Variants in RSU1 observed in about 807,000 individuals in gnomAD.
RSU1 encodes the protein rsu-1.
A neutral mutation model predicts 31.1 loss-of-function variants in RSU1; 26 were observed. That is an observed-to-expected ratio of 0.84 (90% CI 0.61 to 1.16). The LOEUF is 1.16. RSU1 is among the 50% of genes most tolerant of loss of function. RSU1 has a pLI of 0.00. For missense variants in RSU1, 320 were observed against 339.1 expected (o/e 0.94, Z 0.44); for synonymous variants, 164 against 136.3 (o/e 1.20, Z -1.41).
intron 3 of RSU1, among the ~76,000 whole-genome samples, chr10:16,774,589 T>C (rs372644146): frequency 2.0e-5 from 3 of 151,894 alleles, no homozygotes; most frequent in East Asian, 2.0e-4. Context: ...AACAAAAAAA[T>C]AGCATCCCTA....
intron 2 of RSU1, 143 bp downstream of exon 2, chr10:16,816,830 C>G (rs573179005): frequency 3.2e-6 from 2 of 624,924 alleles, no homozygotes; most frequent in African/African-American, 1.8e-5. Flanking sequence ...AAACCCTCTG[C>G]GCGAAGCCCC....
At chr10:16,730,766 A>G (rs1836492143) in intron 7 of RSU1, among the ~76,000 whole-genome samples, 1 of 152,178 alleles carries the variant, frequency 6.6e-6, no homozygotes, top group Admixed American at 6.5e-5. Flanking sequence ...TAATTTTTTC[A>G]TTTATTTATG....
chr10:16,734,070 G>T (rs142582436), intron 7 of RSU1, among the ~76,000 whole-genome samples: 1 of 152,060 alleles, frequency 6.6e-6, no homozygotes, highest in African/African-American at 2.4e-5. Context: ...CTAAACTGTC[G>T]GAACACACAA....
intron 2 of RSU1, among the ~76,000 whole-genome samples, chr10:16,806,184 T>C (rs1005970755): frequency 1.1e-4 from 17 of 152,214 alleles, no homozygotes; most frequent in African/African-American, 4.1e-4. Context: ...GGGATAAACA[T>C]AGGTAGTGTC....
At chr10:16,756,973 G>A (rs1016593935) in intron 4 of RSU1, among the ~76,000 whole-genome samples, 19 of 150,704 alleles carry the variant, frequency 1.3e-4, no homozygotes, top group Middle Eastern at 3.4e-3. Flanking sequence ...AGGTATGAGT[G>A]TGGTGTGGTG....
chr10:16,673,528 A>G (rs1406644828), intron 8 of RSU1, among the ~76,000 whole-genome samples: 11 of 152,254 alleles, frequency 7.2e-5, no homozygotes, highest in Non-Finnish European at 1.6e-4. Flanking sequence ...GAGAAAATTT[A>G]AGCTCAAATG....
At chr10:16,689,027 C>G (rs1220624188) in intron 8 of RSU1, among the ~76,000 whole-genome samples, 1 of 149,912 alleles carries the variant, frequency 6.7e-6, no homozygotes, top group Non-Finnish European at 1.5e-5. Flanking sequence ...AAAAAAAAAG[C>G]TTTAAAGAAA....
intron 3 of RSU1, among the ~76,000 whole-genome samples, chr10:16,767,022 CA>C (rs111562696): frequency 0.12 from 12,251 of 101,722 alleles, 679 homozygotes; most frequent in East Asian, 0.22. Flanking sequence ...ACTCTATGTC[CA>C]AAAAAAAAAA....
chr10:16,673,317 A>G (rs1241747997), intron 8 of RSU1, among the ~76,000 whole-genome samples: 3 of 152,242 alleles, frequency 2.0e-5, no homozygotes, highest in Non-Finnish European at 4.4e-5. Context: ...TCTCAAAAGC[A>G]GGACATTTGC....
rs187415093 is a variant in RSU1 at position 16,808,733 on chromosome 10, G to T, written c.109+8240C>A. Among the ~76,000 whole-genome samples the T allele has an allele frequency of 4.5e-4, 68 of 152,266 alleles. 1 individual carries two copies. The East Asian group carries it at 0.013, about 28-fold the overall frequency. ...AACTATGTCTTCCCAAAACTAATAT[G>T]CTGAAGCCCCAATCCCAAATACCTC... On this transcript the variant is annotated intron_variant, in intron 2 of 8. Transcript: ENST00000345264.
At chr10:16,677,230 T>C (rs1050268689) in intron 8 of RSU1, among the ~76,000 whole-genome samples, 6 of 152,314 alleles carry the variant, frequency 3.9e-5, no homozygotes, top group Admixed American at 2.6e-4. Flanking sequence ...TCTGGCTTTG[T>C]CCTCAGTTGT....
chr10:16,639,550 T>C (rs1350662007), intron 8 of RSU1, among the ~76,000 whole-genome samples: 1 of 152,206 alleles, frequency 6.6e-6, no homozygotes, highest in Non-Finnish European at 1.5e-5. Flanking sequence ...TGGAGGGGAA[T>C]AACAATGTTT....
At position 16,754,936 on chromosome 10, in the gene RSU1, T is replaced by C. The variant is rs1187378781; in HGVS notation, c.335A>G (p.Glu112Gly). Residue 112 changes from glutamate (E) to glycine (G), a missense_variant, in exon 5 of 9, where the codon GAG (glutamate) becomes GGG (glycine). Physicochemically the swap from Glu to Gly is moderately conservative, Grantham distance 98. Coordinates refer to ENST00000345264, the MANE Select transcript of RSU1 (RefSeq NM_012425.4). Reference protein sequence around the residue: ...PRGFGSLPALEVLDLTYNNLS... With the variant: ...PRGFGSLPALGVLDLTYNNLS... ...GTTGTTGTACGTCAAGTCCAGAACC[T>C]CAAGAGCTGGCAGGGAGCCGAAGCC... 1 of 1,613,614 alleles carries C rather than the reference T, an allele frequency of 6.2e-7. No individual in the cohort carries two copies.
At chr10:16,629,819 C>T (rs569687205) in intron 8 of RSU1, among the ~76,000 whole-genome samples, 1 of 152,300 alleles carries the variant, frequency 6.6e-6, no homozygotes, top group South Asian at 2.1e-4. Context: ...CACTGACCTG[C>T]TGCATCCACA....
At chr10:16,680,064 T>C (rs1015383581) in intron 8 of RSU1, among the ~76,000 whole-genome samples, 10 of 152,010 alleles carry the variant, frequency 6.6e-5, no homozygotes, top group Admixed American at 3.9e-4. Context: ...GTATTTTCAG[T>C]AGAGATGGGG....
chr10:16,641,351 G>A (rs1834438507), intron 8 of RSU1, among the ~76,000 whole-genome samples: 1 of 152,020 alleles, frequency 6.6e-6, no homozygotes, highest in Admixed American at 6.5e-5. Flanking sequence ...AATTAACCGG[G>A]CGTGGTGACA....
At chr10:16,747,008 C>T (rs958884399) in intron 7 of RSU1, among the ~76,000 whole-genome samples, 2 of 152,082 alleles carry the variant, frequency 1.3e-5, no homozygotes, top group Non-Finnish European at 2.9e-5. Flanking sequence ...AATAATCCCC[C>T]AACCCCCATC....
At chr10:16,668,726 T>C (rs1835047320) in intron 8 of RSU1, among the ~76,000 whole-genome samples, 1 of 152,132 alleles carries the variant, frequency 6.6e-6, no homozygotes, top group Non-Finnish European at 1.5e-5. Context: ...CTGATCTCCC[T>C]CATTATTAAC....
At chr10:16,672,394 T>C (rs2131539698) in intron 8 of RSU1, among the ~76,000 whole-genome samples, 1 of 152,272 alleles carries the variant, frequency 6.6e-6, no homozygotes, top group Admixed American at 6.5e-5. Flanking sequence ...TAGCACATGT[T>C]CAACAAAAGA....
Sources: gnomAD v4.1 joint callset for allele counts (sites outside exome capture counted in the v4.1 genomes callset) on GRCh38, gnomAD v4.1.1 for gene constraint, MANE v1.5 for transcripts, NCBI Gene and HGNC (gene_info 2026-07-23, HGNC 2026-07-21) for gene names.